ADAMTS16: variants seen among roughly 807,000 people sequenced by gnomAD.
ADAMTS16 encodes the protein ADAM metallopeptidase with thrombospondin type 1 motif 16, also known as A disintegrin and metalloproteinase with thrombospondin motifs 16.
Under a neutral mutation model 145.8 loss-of-function variants are expected in ADAMTS16, and 94 were observed. The ratio of observed to expected loss-of-function variants is 0.64; its 90% CI spans 0.55 to 0.77. ADAMTS16 has a LOEUF of 0.77. Ranked by LOEUF, ADAMTS16 falls within the 30% of genes least tolerant of loss-of-function variation. The pLI is 0.00. For missense variants in ADAMTS16, 1,585 were observed against 1,591.5 expected (o/e 1.00, Z 0.07); for synonymous variants, 659 against 604.3 (o/e 1.09, Z -1.33).
Position 5,320,170 on chromosome 5 carries a change from C to G in ADAMTS16, c.*1032C>G. ...GGTGTTAGGGTGGGAATCTGCCCGG[C>G]GTCTCTGGCACCCTCCCTGCCATCC... On this transcript the variant is annotated 3_prime_UTR_variant, in exon 23 of 23. Transcript: ENST00000274181. The surrounding 1 kb of genome is among the most constrained non-coding windows in gnomAD (Gnocchi z 5.1). 1 of 313,448 alleles carries G rather than the reference C, an allele frequency of 3.2e-6. No individual in the cohort carries two copies. Among genetic ancestry groups the G allele is most frequent in the South Asian group, 2.6e-5 (1 of 38,348 alleles). 19.4% of individuals were successfully genotyped at this position (313,448 alleles called of 1,614,324 possible).
intron 9 of ADAMTS16, among the ~76,000 whole-genome samples, chr5:5,207,644 C>T (rs1023745498): frequency 7.9e-5 from 12 of 151,410 alleles, no homozygotes; most frequent in Admixed American, 3.3e-4. Context: ...AAGTTTCGCA[C>T]CATTAATTAT....
At chr5:5,301,913 G>A (rs1739795156) in intron 18 of ADAMTS16, among the ~76,000 whole-genome samples, 1 of 152,196 alleles carries the variant, frequency 6.6e-6, no homozygotes, top group Admixed American at 6.5e-5. Flanking sequence ...GCCCTGCACT[G>A]ATGTGCTTGC....
chr5:5,217,646 T>C (rs1422072793), intron 10 of ADAMTS16, among the ~76,000 whole-genome samples: 2 of 152,194 alleles, frequency 1.3e-5, no homozygotes, highest in African/African-American at 2.4e-5. Context: ...GGGTGTTATG[T>C]TGTGGTGTTA....
chr5:5,146,143 C>G lies in ADAMTS16; in HGVS notation c.189C>G (p.Val63=). 1 of 1,613,524 alleles carries G rather than the reference C, an allele frequency of 6.2e-7. No individual in the cohort carries two copies. Among genetic ancestry groups the G allele is most frequent in the Non-Finnish European group, 8.5e-7 (1 of 1,179,502 alleles). ...TTTTGATTTCAGAATATGACCTGGTCTCTGCCTACGAGGTTGACCACAGGG... is the reference window on the plus strand; with the variant it reads ...TTTTGATTTCAGAATATGACCTGGTGTCTGCCTACGAGGTTGACCACAGGG... ...GWMEKGEYDL[V]SAYEVDHRGD... Residue 63 remains valine, a synonymous_variant, in exon 3 of 23, where the codon GTC becomes GTG. Coordinates refer to ENST00000274181, the MANE Select transcript of ADAMTS16 (RefSeq NM_139056.4).
At chr5:5,197,489 G>T (rs953760365) in intron 8 of ADAMTS16, among the ~76,000 whole-genome samples, 1 of 152,180 alleles carries the variant, frequency 6.6e-6, no homozygotes, top group Admixed American at 6.5e-5. Context: ...GTGGGGCTGT[G>T]AGCATGGATA....
chr5:5,215,277 T>A (rs1736385190), intron 10 of ADAMTS16, among the ~76,000 whole-genome samples: 1 of 152,226 alleles, frequency 6.6e-6, no homozygotes, highest in Non-Finnish European at 1.5e-5. Flanking sequence ...GATAAAAGCA[T>A]CTCACTGCTT....
At chr5:5,169,187 A>G (rs183632457) in intron 3 of ADAMTS16, among the ~76,000 whole-genome samples, 175 of 152,322 alleles carry the variant, frequency 1.1e-3, no homozygotes, top group African/African-American at 4.1e-3. Flanking sequence ...TTCCTTGCAT[A>G]GATGACAGGC....
intron 9 of ADAMTS16, among the ~76,000 whole-genome samples, chr5:5,207,110 A>T (rs1736148423): frequency 6.6e-6 from 1 of 152,180 alleles, no homozygotes; most frequent in Admixed American, 6.5e-5. Context: ...TTTGATTGAC[A>T]TTGCAATGAA....
At position 5,265,672 on chromosome 5, in the gene ADAMTS16, G is replaced by A. The variant is rs190538891; in HGVS notation, c.2789+2889G>A. Among the ~76,000 whole-genome samples, 491 of 152,316 alleles carry A rather than the reference G, an allele frequency of 3.2e-3. 3 individuals are homozygous for A. Among genetic ancestry groups the A allele is most frequent in the African/African-American group, 0.011 (470 of 41,562 alleles). On this transcript the variant is annotated intron_variant, in intron 18 of 22. Coordinates refer to ENST00000274181, the MANE Select transcript of ADAMTS16 (RefSeq NM_139056.4). ...CAAGGTGAGGCCTTGTGGTAAAGTG[G>A]GCTCAGAGGAACCTGGCTAGAGTTT...
chr5:5,145,109 T>A (rs1389670336), intron 2 of ADAMTS16, among the ~76,000 whole-genome samples: 2 of 152,210 alleles, frequency 1.3e-5, no homozygotes, highest in African/African-American at 2.4e-5. Context: ...CACTTATATA[T>A]ATGAGTTTTT....
chr5:5,293,335 A>C (rs1739403692), intron 18 of ADAMTS16, among the ~76,000 whole-genome samples: 1 of 152,152 alleles, frequency 6.6e-6, no homozygotes, highest in South Asian at 2.1e-4. Flanking sequence ...GTGTGAGAAG[A>C]AAATATTCAG....
chr5:5,234,959 A>G, intron 12 of ADAMTS16, 55 bp from the exon 13 acceptor site: 1 of 1,415,818 alleles, frequency 7.1e-7, no homozygotes. Flanking sequence ...CTAATTTTAA[A>G]GAATTTAGTA....
At chr5:5,230,478 G>A (rs13157166) in intron 11 of ADAMTS16, among the ~76,000 whole-genome samples, 2,432 of 152,210 alleles carry the variant, frequency 0.016, 26 homozygotes, top group Middle Eastern at 0.031. Flanking sequence ...AAAGAGCTTC[G>A]AAGAAATGAT....
chr5:5,225,532 A>G (rs1405809659), intron 11 of ADAMTS16, among the ~76,000 whole-genome samples: 1 of 151,904 alleles, frequency 6.6e-6, no homozygotes, highest in East Asian at 1.9e-4. Context: ...GAACCCGGAG[A>G]CGGAGGTTGC....
At chr5:5,279,268 A>G (rs13184569) in intron 18 of ADAMTS16, among the ~76,000 whole-genome samples, 93,823 of 152,090 alleles carry the variant, frequency 0.62, 29,677 homozygotes, top group Admixed American at 0.71. Context: ...AAGGCTTCTC[A>G]GCTAACAAAG....
At chr5:5,259,802 T>C (rs991747356) in intron 17 of ADAMTS16, among the ~76,000 whole-genome samples, 6 of 152,254 alleles carry the variant, frequency 3.9e-5, no homozygotes, top group Non-Finnish European at 8.8e-5. Context: ...TTTACATAAC[T>C]CAGCTTTCAG....
In ADAMTS16 at chr5:5,239,159, A is replaced by C; in HGVS notation, c.2163A>C (p.Gly721=). ...VCIDGICERV[G]CDNVLGSDAV... ...CCTCATGGGCCCTCCAGAGAGTTGG[A>C]TGTGACAATGTCCTTGGATCTGATG... Residue 721 remains glycine (G), a synonymous_variant, in exon 15 of 23, where the codon GGA becomes GGC. Transcript: ENST00000274181. 1 of 1,559,910 alleles carries C rather than the reference A, an allele frequency of 6.4e-7. No homozygotes were observed. The highest frequency in any genetic ancestry group is 1.2e-5 in the South Asian group (1 of 81,290).
intron 14 of ADAMTS16, among the ~76,000 whole-genome samples, chr5:5,238,180 C>G (rs760089209): frequency 1.3e-5 from 2 of 152,094 alleles, no homozygotes; most frequent in African/African-American, 2.4e-5. Context: ...GATGTGTTCA[C>G]TATTTTATTG....
intron 17 of ADAMTS16, 33 bp from the exon 18 acceptor site, chr5:5,262,624 A>C: frequency 6.3e-7 from 1 of 1,599,942 alleles, no homozygotes; most frequent in Admixed American, 1.7e-5. Context: ...CATGCATGTG[A>C]GTCTTTATTC....
Sources: gnomAD v4.1 joint callset for allele counts (sites outside exome capture counted in the v4.1 genomes callset) on GRCh38, gnomAD v4.1.1 for gene constraint, Gnocchi (gnomAD v3.1) non-coding constraint, MANE v1.5 for transcripts, NCBI Gene and HGNC (gene_info 2026-07-23, HGNC 2026-07-21) for gene names.